Variants in FOXN3 observed in about 807,000 individuals in gnomAD.
FOXN3 encodes the protein forkhead box N3, also known as forkhead box protein N3.
Under a neutral mutation model 38.4 loss-of-function variants are expected in FOXN3, and 7 were observed. The observed-to-expected ratio is 0.18, with a 90% CI of 0.10 to 0.34. The LOEUF is 0.34. Among genes scored for constraint, FOXN3 ranks in the 10% least tolerant of loss-of-function variants. The pLI, the probability that FOXN3 is intolerant of heterozygous loss-of-function variation, is 1.00. For synonymous variants in FOXN3, 230 were observed against 242.2 expected (o/e 0.95, Z 0.47); for missense variants, 456 against 613.4 (o/e 0.74, Z 2.71).
At chr14:89,550,727 C>T (rs923675282) in intron 1 of FOXN3, among the ~76,000 whole-genome samples, 1 of 152,214 alleles carries the variant, frequency 6.6e-6, no homozygotes, top group African/African-American at 2.4e-5. Context: ...ACTCCTGAGT[C>T]CTCGGGCGAC....
At chr14:89,289,863 C>T (rs1886810288) in intron 3 of FOXN3, among the ~76,000 whole-genome samples, 1 of 152,140 alleles carries the variant, frequency 6.6e-6, no homozygotes, top group East Asian at 1.9e-4. Flanking sequence ...GTTTATTTTT[C>T]AACAAGCAAT....
chr14:89,225,767 G>A (rs989112685), intron 4 of FOXN3, among the ~76,000 whole-genome samples: 1 of 152,062 alleles, frequency 6.6e-6, no homozygotes, highest in African/African-American at 2.4e-5. Context: ...TTTACTAACT[G>A]GAAACTCAGC....
intron 1 of FOXN3, among the ~76,000 whole-genome samples, chr14:89,475,728 G>A (rs1440976465): frequency 1.3e-5 from 2 of 152,162 alleles, no homozygotes; most frequent in African/African-American, 4.8e-5. Context: ...AAACAGCCTT[G>A]TGCCATTCCA....
chr14:89,460,483 C>T (rs1055374867), intron 1 of FOXN3, among the ~76,000 whole-genome samples: 1 of 152,158 alleles, frequency 6.6e-6, no homozygotes, highest in Admixed American at 6.5e-5. Flanking sequence ...GCACAGTGAG[C>T]GGGCTTCATT....
Position 89,529,806 on chromosome 14 carries a change from T to C in FOXN3, c.-15+89222A>G, listed in dbSNP as rs868150604. 2.6e-5 allele frequency among the ~76,000 whole-genome samples: 4 copies of C among 152,112 alleles called. No individual in the cohort carries two copies. The South Asian group carries it at 6.2e-4, about 24-fold the overall frequency. ...CCTGTAGTTTTGAGTCTTGGGAGGC[T>C]GAGGTGGGAGGATCCCCTGAGCCCA... On this transcript the variant is annotated intron_variant, in intron 1 of 6. Transcript: ENST00000345097.
At chr14:89,545,817 C>A (rs1347309533) in intron 1 of FOXN3, among the ~76,000 whole-genome samples, 1 of 152,192 alleles carries the variant, frequency 6.6e-6, no homozygotes, top group East Asian at 1.9e-4. Flanking sequence ...CCTTCACAAA[C>A]GCCACCCCAG....
intron 4 of FOXN3, chr14:89,190,255 T>C (rs560842403): frequency 3.8e-5 from 25 of 656,872 alleles, no homozygotes; most frequent in East Asian, 3.6e-4. Context: ...CATGCACTTA[T>C]GTAGCTTTTA....
rs1393885341 is a variant in FOXN3, at chr14:89,485,589, C to G, written c.-14-73099G>C. Among the ~76,000 whole-genome samples, 4 of 152,036 alleles carry G rather than the reference C, an allele frequency of 2.6e-5. No homozygotes were observed. The East Asian group carries it at 7.7e-4, about 29-fold the overall frequency. On this transcript the variant is annotated intron_variant, in intron 1 of 6. Coordinates refer to the FOXN3 transcript ENST00000345097. ...AGGCAGAGGCAGGGTGTGGACAGGC[C>G]CAGAGAAGCAGAAAAGATCAGCAAA... is the stretch of plus-strand genomic sequence containing the variant.
chr14:89,573,649 A>G (rs548753056), intron 1 of FOXN3, among the ~76,000 whole-genome samples: 1 of 152,300 alleles, frequency 6.6e-6, no homozygotes, highest in Non-Finnish European at 1.5e-5. Context: ...AAGTTTGCAC[A>G]TAGACAATAC....
chr14:89,562,176 A>AT (rs1213019731), intron 1 of FOXN3, among the ~76,000 whole-genome samples: 1 of 152,226 alleles, frequency 6.6e-6, no homozygotes, highest in African/African-American at 2.4e-5. Context: ...CGTACAAAGT[A>AT]TTTTAAGCAA....
intron 1 of FOXN3, among the ~76,000 whole-genome samples, chr14:89,538,595 C>A (rs1159249210): frequency 6.6e-6 from 1 of 152,116 alleles, no homozygotes; most frequent in Non-Finnish European, 1.5e-5. Context: ...CTTGGCTCAC[C>A]ACAACCTCTG....
At chr14:89,240,904 G>A (rs80082694) in intron 4 of FOXN3, among the ~76,000 whole-genome samples, 212 of 152,352 alleles carry the variant, frequency 1.4e-3, no homozygotes, top group Non-Finnish European at 2.5e-3. Context: ...AGGACTCCCA[G>A]CCCAGGGTTC....
At chr14:89,608,751 G>A (rs2139950675) in intron 1 of FOXN3, among the ~76,000 whole-genome samples, 1 of 152,302 alleles carries the variant, frequency 6.6e-6, no homozygotes, top group African/African-American at 2.4e-5. Flanking sequence ...GAAGAACTGG[G>A]GATGGGGTAG....
intron 4 of FOXN3, among the ~76,000 whole-genome samples, chr14:89,216,669 CA>C (rs1853537449): frequency 6.6e-6 from 1 of 152,218 alleles, no homozygotes; most frequent in South Asian, 2.1e-4. Context: ...CTTGCTGAAC[CA>C]AATGTCCCCC....
chr14:89,284,224 G>A (rs2139922589), intron 3 of FOXN3, among the ~76,000 whole-genome samples: 1 of 151,786 alleles, frequency 6.6e-6, no homozygotes, highest in East Asian at 1.9e-4. Flanking sequence ...CTCTGTTGCT[G>A]AGGCTGGTCT....
chr14:89,203,665 G>A (rs1888292786), intron 4 of FOXN3, among the ~76,000 whole-genome samples: 1 of 152,220 alleles, frequency 6.6e-6, no homozygotes, highest in Non-Finnish European at 1.5e-5. Flanking sequence ...GCATGGGGCA[G>A]GCAGATATGC....
intron 3 of FOXN3, among the ~76,000 whole-genome samples, chr14:89,323,768 C>A (rs961080770): frequency 6.6e-6 from 1 of 152,020 alleles, no homozygotes; most frequent in African/African-American, 2.4e-5. Flanking sequence ...ATGGCAGTGA[C>A]AACATCGATC....
chr14:89,359,382 C>G (rs776699254), intron 2 of FOXN3, among the ~76,000 whole-genome samples: 4 of 152,064 alleles, frequency 2.6e-5, no homozygotes, highest in South Asian at 2.1e-4. Context: ...TGACACTGAG[C>G]TCCAAACCAT....
chr14:89,420,342 A>G (rs1346938036), upstream of FOXN3, among the ~76,000 whole-genome samples: 2 of 152,212 alleles, frequency 1.3e-5, no homozygotes, highest in Non-Finnish European at 2.9e-5. Context: ...GACAAGGGAC[A>G]TGGTGAAACA....
Sources: allele counts gnomAD v4.1 joint callset (sites outside exome capture counted in the v4.1 genomes callset), GRCh38; gene constraint gnomAD v4.1.1; transcripts MANE v1.5; gene names NCBI Gene and HGNC (gene_info 2026-07-23, HGNC 2026-07-21).